The following NR1I2 variants were observed in gnomAD, a reference collection of about 807,000 sequenced individuals.
NR1I2 encodes orphan nuclear receptor PAR1.
In NR1I2, 42 loss-of-function variants were observed where a neutral mutation model predicts 43.3. That is an observed-to-expected ratio of 0.97 (90% confidence interval 0.76 to 1.26). The LOEUF (loss-of-function observed/expected upper bound fraction) is 1.26, where lower values mean the gene tolerates loss of function less well. Ranked by LOEUF, NR1I2 falls within the 50% of genes most tolerant of loss-of-function variation. The pLI is 0.00. For synonymous variants in NR1I2, 229 were observed against 215.0 expected (o/e 1.06, Z -0.57); for missense variants, 559 against 566.7 (o/e 0.99, Z 0.14).
intron 3 of NR1I2, 69 bp from the exon 4 acceptor site, chr3:119,811,470 G>T (rs1429827392): frequency 4.7e-6 from 7 of 1,474,770 alleles, no homozygotes; most frequent in Non-Finnish European, 5.5e-6. Context: ...GGGTTACACA[G>T]TGGCTCTCCA....
At chr3:119,806,550 C>G (rs2055164008) in intron 1 of NR1I2, among the ~76,000 whole-genome samples, 1 of 152,036 alleles carries the variant, frequency 6.6e-6, no homozygotes, top group Admixed American at 6.6e-5. Context: ...CCTCCCAAAG[C>G]CCCGGGATTA....
Position 119,815,034 on chromosome 3 carries a change from T to C in NR1I2, c.850T>C (p.Cys284Arg). ...GCTGAAGGGGGCCGCTTTCGAGCTG[T>C]GTCAACTGAGATTCAACACAGTGTT... Residue 284 changes from cysteine to arginine, a missense_variant, in exon 6 of 9, where the codon TGT becomes CGT. Physicochemically the swap from Cys to Arg is radical, Grantham distance 180. Transcript: ENST00000393716. The C allele has an allele frequency of 6.2e-7, 1 of 1,614,184 alleles. No homozygotes were observed. Among genetic ancestry groups the C allele is most frequent in the Non-Finnish European group, 8.5e-7 (1 of 1,180,022 alleles).
chr3:119,796,767 T>C (rs1351011825), intron 1 of NR1I2, among the ~76,000 whole-genome samples: 1 of 152,206 alleles, frequency 6.6e-6, no homozygotes, highest in Non-Finnish European at 1.5e-5. Flanking sequence ...TCCCACCTTC[T>C]CTCTCCTCAC....
At position 119,811,572 on chromosome 3, in the gene NR1I2, G is replaced by T. The variant is rs12721608; in HGVS notation, c.365G>T (p.Arg122Leu). ...TCCGACGAGGCCGTGGAGGAGAGGC[G>T]GGCCTTGATCAAGCGGAAGAAAAGT... Residue 122 changes from arginine (R) to leucine (L), a missense_variant, in exon 4 of 9, where the codon CGG becomes CTG. Physicochemically the swap from Arg to Leu is moderately radical, Grantham distance 102. This residue lies in a region of NR1I2 where 232 missense variants were observed against 236.6 expected (regional missense o/e 0.98). Transcript: ENST00000393716. 6 of 1,613,636 alleles carry T rather than the reference G, an allele frequency of 3.7e-6. No homozygotes were observed. The highest frequency in any genetic ancestry group is 5.1e-6 in the Non-Finnish European group (6 of 1,179,780).
At chr3:119,804,249 C>T (rs1284337226) in intron 1 of NR1I2, among the ~76,000 whole-genome samples, 8 of 150,112 alleles carry the variant, frequency 5.3e-5, no homozygotes, top group Non-Finnish European at 8.9e-5. Flanking sequence ...GTGGCAGGCA[C>T]CTGTAGTCCC....
At chr3:119,792,279 CT>C in intron 1 of NR1I2, 1 of 1,525,510 alleles carries the variant, frequency 6.6e-7, no homozygotes, top group Non-Finnish European at 9.0e-7. Flanking sequence ...GAGCGACGAC[CT>C]TATGGAGCGA....
At position 119,815,526 on chromosome 3, in the gene NR1I2, C is replaced by T. The variant is rs530273770; in HGVS notation, c.1054+87C>T. The T allele has an allele frequency of 4.1e-6, 5 of 1,212,026 alleles. No homozygotes were observed. The East Asian group carries it at 1.2e-4, about 28-fold the overall frequency. 75.1% of individuals were successfully genotyped at this position (1,212,026 alleles called of 1,614,324 possible). A position where few individuals can be genotyped will look rare whatever the true frequency, so the allele number is the denominator to read the frequency against. On this transcript the variant is annotated intron_variant, in intron 7 of 8. Coordinates refer to ENST00000393716, the MANE Select transcript of NR1I2 (RefSeq NM_003889.4). Reference sequence around the variant, plus strand: ...GGTCCCAGTCTATGGCCTTGCTCCTCATTCACTGCGCAGCCAGGATGGGGG... The same window carrying T: ...GGTCCCAGTCTATGGCCTTGCTCCTTATTCACTGCGCAGCCAGGATGGGGG...
At chr3:119,815,547 G>T in intron 7 of NR1I2, 108 bp downstream of exon 7, 1 of 1,092,784 alleles carries the variant, frequency 9.2e-7, no homozygotes, top group South Asian at 1.3e-5. Context: ...CAGCCAGGAT[G>T]GGGGCTCTCG....
intron 1 of NR1I2, among the ~76,000 whole-genome samples, chr3:119,806,694 C>T (rs1395079316): frequency 6.6e-6 from 1 of 152,200 alleles, no homozygotes; most frequent in East Asian, 1.9e-4. Context: ...ACCATGCCTC[C>T]ACTTTTTCCC....
chr3:119,818,376 A>G lies in NR1I2; in HGVS notation c.*1164A>G, dbSNP rs12721615. 9,635 of 985,372 alleles carry G rather than the reference A, an allele frequency of 9.8e-3. 58 individuals are homozygous for G. The highest frequency in any genetic ancestry group is 0.011 in the Non-Finnish European group (9,213 of 829,882). The allele number at this position is 985,372 out of a possible 1,614,324, so 61.0% of individuals were successfully genotyped here. Reference sequence around the variant, plus strand: ...TAAAAATTTTTTTGCATTTTCACAAATTATACTTTATATAAGGCATTCCAC... The same window carrying G: ...TAAAAATTTTTTTGCATTTTCACAAGTTATACTTTATATAAGGCATTCCAC... On this transcript the variant is annotated 3_prime_UTR_variant, in exon 9 of 9. Transcript: ENST00000393716.
intron 1 of NR1I2, chr3:119,782,815 C>T (rs1233810843): frequency 1.2e-6 from 2 of 1,614,194 alleles, no homozygotes; most frequent in Non-Finnish European, 8.5e-7. Context: ...ACCTGCCATA[C>T]CCCTGCACAG....
intron 1 of NR1I2, chr3:119,791,709 G>A (rs990241162): frequency 5.4e-6 from 2 of 372,062 alleles, no homozygotes; most frequent in East Asian, 6.9e-5. Flanking sequence ...GAGGTCAGGA[G>A]TTTGAGACCA....
chr3:119,818,222 G>A lies in NR1I2; in HGVS notation c.*1010G>A, dbSNP rs759334805. ...AATGCTGGGTATGCTCTGTGACAAG[G>A]CTACGCTGACAATCAGTTAAACACA... On this transcript the variant is annotated 3_prime_UTR_variant, in exon 9 of 9. Coordinates refer to ENST00000393716, the MANE Select transcript of NR1I2 (RefSeq NM_003889.4). 3.8e-5 allele frequency: 37 copies of A among 985,592 alleles called. No individual in the cohort carries two copies. Among genetic ancestry groups the A allele is most frequent in the Non-Finnish European group, 4.1e-5 (34 of 830,030 alleles). The allele number at this position is 985,592 out of a possible 1,614,324, so 61.1% of individuals were successfully genotyped here.
chr3:119,791,962 T>C, intron 1 of NR1I2: 4 of 685,504 alleles, frequency 5.8e-6, no homozygotes, highest in Non-Finnish European at 2.7e-6. Flanking sequence ...GTACAGGACA[T>C]TGTGGTAGGG....
intron 5 of NR1I2, 51 bp from the exon 6 acceptor site, chr3:119,814,928 T>C: frequency 1.9e-6 from 3 of 1,612,464 alleles, no homozygotes; most frequent in Non-Finnish European, 2.5e-6. Context: ...GGTGCCGGTC[T>C]GTGGGCTGCC....
chr3:119,787,657 ATGTGTGTGTGTGTGTGTGTGTGTG>A (rs3030846), intron 1 of NR1I2, among the ~76,000 whole-genome samples: 15 of 128,512 alleles, frequency 1.2e-4, no homozygotes, highest in Admixed American at 4.7e-4. Context: ...TGCTATTAAT[ATGTGTGTGTGTGTGTGTGTGTGTG>A]TGTGTGTGTG....
At chr3:119,813,388 CG>C (rs2055272420) in intron 5 of NR1I2, among the ~76,000 whole-genome samples, 1 of 152,004 alleles carries the variant, frequency 6.6e-6, no homozygotes, top group South Asian at 2.1e-4. Flanking sequence ...ATGGGGAGGG[CG>C]GGTGGTCCTC....
intron 1 of NR1I2, among the ~76,000 whole-genome samples, chr3:119,788,348 C>T (rs1049502738): frequency 6.6e-6 from 1 of 151,936 alleles, no homozygotes; most frequent in Non-Finnish European, 1.5e-5. Flanking sequence ...AAATTCCTGG[C>T]CTCAAGTGAT....
intron 1 of NR1I2, chr3:119,782,599 C>A: frequency 1.6e-6 from 1 of 622,036 alleles, no homozygotes; most frequent in South Asian, 1.9e-5. Context: ...ACACATACAA[C>A]CAGCTCCCTG....
Sources: gnomAD v4.1 joint callset for allele counts (sites outside exome capture counted in the v4.1 genomes callset) on GRCh38, gnomAD v4.1.1 for gene constraint, gnomAD v4.1.1 regional missense constraint, MANE v1.5 for transcripts, NCBI Gene and HGNC (gene_info 2026-07-23, HGNC 2026-07-21) for gene names.